CEP128: variants seen among roughly 807,000 people sequenced by gnomAD.
The protein encoded by CEP128 is centrosomal protein 128kDa.
A neutral mutation model predicts 156.7 loss-of-function variants in CEP128; 132 were observed. The observed-to-expected ratio is 0.84, with a 90% confidence interval of 0.73 to 0.97. The LOEUF (loss-of-function observed/expected upper bound fraction) is 0.97. CEP128 is among the 50% of genes least tolerant of loss of function. CEP128 has a pLI of 0.00. For synonymous variants in CEP128, 469 were observed against 448.9 expected, an observed-to-expected ratio of 1.04 and a Z score of -0.57; for missense variants, 1,252 against 1,281.9, an observed-to-expected ratio of 0.98 and a Z score of 0.36.
intron 19 of CEP128, among the ~76,000 whole-genome samples, chr14:80,672,039 C>T (rs1441994543): frequency 1.3e-5 from 2 of 152,034 alleles, no homozygotes; most frequent in African/African-American, 4.8e-5. Flanking sequence ...AGAGATGACA[C>T]ATATAAATTC....
chr14:80,578,978 T>C (rs1182822945), intron 20 of CEP128, among the ~76,000 whole-genome samples: 2 of 152,190 alleles, frequency 1.3e-5, no homozygotes, highest in Non-Finnish European at 2.9e-5. Flanking sequence ...TGGATGGACA[T>C]TTCAGTAGAA....
At chr14:80,884,387 G>A (rs186579858) in intron 8 of CEP128, among the ~76,000 whole-genome samples, 42 of 152,310 alleles carry the variant, frequency 2.8e-4, no homozygotes, top group Admixed American at 2.0e-4. Context: ...AATAAGAACA[G>A]CTCCAGTCGG....
intron 18 of CEP128, among the ~76,000 whole-genome samples, chr14:80,754,836 A>G (rs1899571687): frequency 6.6e-6 from 1 of 152,208 alleles, no homozygotes; most frequent in South Asian, 2.1e-4. Flanking sequence ...AATTCCATTA[A>G]GCTGAAGAAA....
chr14:80,940,572 C>T (rs937198494), intron 1 of CEP128, among the ~76,000 whole-genome samples: 4 of 151,254 alleles, frequency 2.6e-5, no homozygotes, highest in African/African-American at 9.7e-5. Flanking sequence ...CCAGCTACTC[C>T]GGAGGCTGAG....
At chr14:80,592,060 T>A (rs148539816) in intron 19 of CEP128, among the ~76,000 whole-genome samples, 1,770 of 152,176 alleles carry the variant, frequency 0.012, 34 homozygotes, top group African/African-American at 0.041. Flanking sequence ...GCTGGAAAGA[T>A]CTAAAATTGA....
At chr14:80,477,097 T>C (rs1594894527) in exon 15 of CEP128, 1 of 152,098 alleles carries the variant, frequency 6.6e-6, no homozygotes, top group South Asian at 2.1e-4. Context: ...CATCATACAA[T>C]TAAGAATCAG....
chr14:80,750,100 T>C (rs1899313051), intron 18 of CEP128, among the ~76,000 whole-genome samples: 1 of 152,194 alleles, frequency 6.6e-6, no homozygotes, highest in Non-Finnish European at 1.5e-5. Context: ...TAGGATTTAA[T>C]CTGGTTGGTA....
At chr14:80,840,399 AAAGTC>A (rs757908202) in intron 10 of CEP128, among the ~76,000 whole-genome samples, 10 of 152,312 alleles carry the variant, frequency 6.6e-5, no homozygotes, top group Admixed American at 2.6e-4. Context: ...ACCCTGCAAC[AAAGTC>A]AAGTTCTTTA....
At chr14:80,955,495 A>C (rs1886612029) in intron 2 of CEP128, 1 of 698,308 alleles carries the variant, frequency 1.4e-6, no homozygotes, top group Non-Finnish European at 2.5e-6. Flanking sequence ...GAAGCGGAGC[A>C]CTTAAGTGCC....
chr14:80,589,836 A>G (rs549355958), intron 19 of CEP128, among the ~76,000 whole-genome samples: 1 of 152,264 alleles, frequency 6.6e-6, no homozygotes, highest in African/African-American at 2.4e-5. Flanking sequence ...TAAAATAATG[A>G]CAACATCTAT....
intron 15 of CEP128, among the ~76,000 whole-genome samples, chr14:80,782,923 G>C (rs1380873768): frequency 1.3e-5 from 2 of 151,782 alleles, no homozygotes; most frequent in Non-Finnish European, 2.9e-5. Context: ...GGCCCTTTTA[G>C]TAAATTCTTT....
At chr14:80,785,718 T>TG (rs537646269) in intron 14 of CEP128, among the ~76,000 whole-genome samples, 173 bp from the exon 15 acceptor site, 13 of 152,000 alleles carry the variant, frequency 8.6e-5, no homozygotes, top group South Asian at 6.2e-4. Context: ...GCCAGAAAGG[T>TG]GGGGGGGAAT....
In CEP128 at chr14:80,851,160, C is replaced by G. The variant is rs117297041; in HGVS notation, c.763-10392G>C. ...TTCTTTAGCACCTGTTCAGTGAGCT[C>G]TGTGTGATAAACCCTGTACTACCTG... On this transcript the variant is annotated intron_variant, in intron 9 of 24. Transcript: ENST00000555265. 8.5e-3 allele frequency among the ~76,000 whole-genome samples: 1,288 copies of G among 152,160 alleles called. 16 individuals are homozygous for G. The highest frequency in any genetic ancestry group is 0.013 in the South Asian group (61 of 4,824).
At chr14:80,611,073 T>G (rs1566809942) in intron 19 of CEP128, among the ~76,000 whole-genome samples, 1 of 151,050 alleles carries the variant, frequency 6.6e-6, no homozygotes, top group Non-Finnish European at 1.5e-5. Context: ...GAACTGAGAG[T>G]TCTATGTATT....
chr14:80,670,316 T>C (rs888182102), intron 19 of CEP128, among the ~76,000 whole-genome samples: 1 of 152,178 alleles, frequency 6.6e-6, no homozygotes, highest in Non-Finnish European at 1.5e-5. Context: ...ATAGCAAAGA[T>C]GTGGATTCAA....
downstream of CEP128, among the ~76,000 whole-genome samples, chr14:80,496,076 C>T (rs1887483946): frequency 6.6e-6 from 1 of 152,118 alleles, no homozygotes; most frequent in Non-Finnish European, 1.5e-5. Context: ...TGTTGTCTAA[C>T]CCCAAATTTC....
intron 19 of CEP128, among the ~76,000 whole-genome samples, chr14:80,630,269 A>G (rs917930530): frequency 6.6e-6 from 1 of 152,018 alleles, no homozygotes; most frequent in African/African-American, 2.4e-5. Context: ...TACAGTCTAT[A>G]AACTCAAAGC....
intron 19 of CEP128, among the ~76,000 whole-genome samples, chr14:80,728,350 G>C (rs1898098785): frequency 6.6e-6 from 1 of 152,136 alleles, no homozygotes; most frequent in African/African-American, 2.4e-5. Flanking sequence ...AGTAGACACT[G>C]AGGCCTACAT....
chr14:80,488,955 A>G (rs1203904908), downstream of CEP128, among the ~76,000 whole-genome samples: 1 of 129,540 alleles, frequency 7.7e-6, no homozygotes, highest in Non-Finnish European at 1.6e-5. Context: ...GGACACAGGA[A>G]GGGGAACATC....
Sources: gnomAD v4.1 joint callset for allele counts (sites outside exome capture counted in the v4.1 genomes callset) on GRCh38, gnomAD v4.1.1 for gene constraint, MANE v1.5 for transcripts, NCBI Gene and HGNC (gene_info 2026-07-23, HGNC 2026-07-21) for gene names.